AFAP1: variants seen among roughly 807,000 people sequenced by gnomAD.
AFAP1 encodes the protein actin filament-associated protein 1.
A neutral mutation model predicts 93.9 loss-of-function variants in AFAP1; 75 were observed. The observed-to-expected ratio is 0.80, with a 90% CI of 0.66 to 0.97. The LOEUF (loss-of-function observed/expected upper bound fraction) is 0.97, where lower values mean the gene tolerates loss of function less well. AFAP1 is among the 50% of genes least tolerant of loss of function. The pLI is 0.00. For missense variants in AFAP1, 1,201 were observed against 1,050.8 expected (o/e 1.14, Z -1.98); for synonymous variants, 517 against 430.7 (o/e 1.20, Z -2.48).
chr4:7,836,119 A>T (rs1712269375), intron 6 of AFAP1, among the ~76,000 whole-genome samples: 1 of 152,240 alleles, frequency 6.6e-6, no homozygotes, highest in African/African-American at 2.4e-5. Context: ...AAAGTGGATC[A>T]AAAATCTAAA....
intron 1 of AFAP1, among the ~76,000 whole-genome samples, chr4:7,910,229 G>C (rs981558271): frequency 3.3e-5 from 5 of 152,078 alleles, no homozygotes; most frequent in Admixed American, 6.6e-5. Context: ...GTCCTAACAG[G>C]AGTCGAAACA....
At chr4:7,830,895 G>A (rs903227460) in intron 6 of AFAP1, among the ~76,000 whole-genome samples, 11 of 152,100 alleles carry the variant, frequency 7.2e-5, no homozygotes, top group African/African-American at 2.7e-4. Context: ...AGAAGTGAAA[G>A]TATTTTTTTA....
At chr4:7,904,394 C>A (rs1719283227) in intron 1 of AFAP1, among the ~76,000 whole-genome samples, 1 of 152,184 alleles carries the variant, frequency 6.6e-6, no homozygotes, top group African/African-American at 2.4e-5. Context: ...CAAGTTCCTT[C>A]CAATACCATG....
rs60126839 is a variant in AFAP1, at chr4:7,802,639, C to CTTT, written c.1055-1989_1055-1987dup. On this transcript the variant is annotated intron_variant, in intron 9 of 17. Coordinates refer to ENST00000420658, the MANE Select transcript of AFAP1 (RefSeq NM_001134647.2). Reference sequence around the variant, plus strand: ...ATGATGTAGTTCCAATACATTTATTCTTTTTTTTTTTTTTTTTTTGAGACA... The same window carrying CTTT: ...ATGATGTAGTTCCAATACATTTATTCTTTTTTTTTTTTTTTTTTTTTTGAGACA... 1.6e-3 allele frequency among the ~76,000 whole-genome samples: 206 copies of CTTT among 127,892 alleles called. 5 individuals carry two copies. The highest frequency in any genetic ancestry group is 5.6e-3 in the African/African-American group (191 of 34,392). 83.9% of individuals were successfully genotyped at this position (127,892 alleles called of 152,430 possible).
intron 1 of AFAP1, among the ~76,000 whole-genome samples, chr4:7,899,573 TCATTATCAATGGCATGTAAA>T (rs1288363804): frequency 2.6e-5 from 4 of 152,180 alleles, no homozygotes; most frequent in African/African-American, 4.8e-5. Flanking sequence ...ACCTCCTCAT[TCATTATCAATGGCATGTAAA>T]CCTAATAAGC....
chr4:7,853,189 G>A (rs1206450473), intron 4 of AFAP1, among the ~76,000 whole-genome samples: 3 of 151,562 alleles, frequency 2.0e-5, no homozygotes, highest in African/African-American at 2.4e-5. Flanking sequence ...GGCCCTGAGA[G>A]AAATCTGGGA....
At chr4:7,887,260 T>C (rs1718190509) in intron 1 of AFAP1, among the ~76,000 whole-genome samples, 1 of 152,130 alleles carries the variant, frequency 6.6e-6, no homozygotes, top group African/African-American at 2.4e-5. Flanking sequence ...TTTTGAACAT[T>C]CACTAAAAAC....
chr4:7,806,234 G>A (rs1370671565), intron 9 of AFAP1, among the ~76,000 whole-genome samples: 3 of 152,206 alleles, frequency 2.0e-5, no homozygotes, highest in African/African-American at 4.8e-5. Context: ...AGGGTTAGGC[G>A]GGCGGACCTG....
At chr4:7,932,071 G>A (rs968686506) in intron 1 of AFAP1, among the ~76,000 whole-genome samples, 2 of 151,892 alleles carry the variant, frequency 1.3e-5, no homozygotes, top group Non-Finnish European at 2.9e-5. Context: ...CCATAACCAG[G>A]ATGGTCTCGA....
At chr4:7,850,377 C>T (rs549911658) in intron 4 of AFAP1, among the ~76,000 whole-genome samples, 2 of 152,322 alleles carry the variant, frequency 1.3e-5, no homozygotes, top group South Asian at 2.1e-4. Flanking sequence ...TTTACACACA[C>T]ACCCACACCC....
intron 3 of AFAP1, chr4:7,861,850 T>A (rs1244899361): frequency 6.6e-6 from 1 of 152,264 alleles, no homozygotes; most frequent in African/African-American, 2.4e-5. Context: ...GGAAAATGAA[T>A]GATTTTCTTG....
intron 9 of AFAP1, among the ~76,000 whole-genome samples, chr4:7,803,014 G>A (rs1005234174): frequency 1.3e-5 from 2 of 152,168 alleles, no homozygotes; most frequent in Admixed American, 1.3e-4. Context: ...GAGTAACAGC[G>A]CTGGGAACCA....
chr4:7,796,016 T>C (rs1037357838), intron 10 of AFAP1, among the ~76,000 whole-genome samples: 7 of 152,174 alleles, frequency 4.6e-5, no homozygotes, highest in African/African-American at 1.7e-4. Context: ...CGTGTATATA[T>C]ACACTTGTAA....
intron 1 of AFAP1, among the ~76,000 whole-genome samples, chr4:7,900,917 C>T (rs1479572495): frequency 6.6e-6 from 1 of 152,160 alleles, no homozygotes; most frequent in Non-Finnish European, 1.5e-5. Context: ...ACCGTCAGGG[C>T]CTCAGGCAAA....
chr4:7,879,333 T>C (rs1717703372), intron 1 of AFAP1, among the ~76,000 whole-genome samples: 1 of 152,182 alleles, frequency 6.6e-6, no homozygotes, highest in African/African-American at 2.4e-5. Flanking sequence ...AGGAATCAAA[T>C]GAACAGAGGT....
rs113540035 is a variant in AFAP1, at chr4:7,772,783, C to T, written c.2253+37G>A. On this transcript the variant is annotated intron_variant, in intron 16 of 17. Transcript: ENST00000420658. ...GCACTGGCCCTCGGCCACGCAAGGC[C>T]GCGCCAGCCTCCGAGGTGAGCCAGA... The T allele has an allele frequency of 2.0e-4, 313 of 1,595,966 alleles. 1 individual carries two copies. Among genetic ancestry groups the T allele is most frequent in the Non-Finnish European group, 2.4e-4 (283 of 1,169,580 alleles).
intron 1 of AFAP1, among the ~76,000 whole-genome samples, chr4:7,874,530 A>ATTTTTTTTT (rs71175435): frequency 2.7e-4 from 14 of 51,506 alleles, no homozygotes; most frequent in East Asian, 1.1e-3. Flanking sequence ...TGCCCAGCTA[A>ATTTTTTTTT]TTTTTTTTTT....
chr4:7,880,331 G>A (rs1000866345), intron 1 of AFAP1, among the ~76,000 whole-genome samples: 12 of 146,580 alleles, frequency 8.2e-5, no homozygotes, highest in African/African-American at 2.5e-4. Context: ...CCAGGCTGGA[G>A]TACAGTGGCA....
At chr4:7,856,808 G>C (rs916491373) in intron 3 of AFAP1, among the ~76,000 whole-genome samples, 3 of 152,212 alleles carry the variant, frequency 2.0e-5, no homozygotes, top group African/African-American at 7.2e-5. Flanking sequence ...CTGAGTGGCA[G>C]GAAAGCCAGC....
Sources: allele counts gnomAD v4.1 joint callset (sites outside exome capture counted in the v4.1 genomes callset), GRCh38; gene constraint gnomAD v4.1.1; transcripts MANE v1.5; gene names NCBI Gene and HGNC (gene_info 2026-07-23, HGNC 2026-07-21).